The following FSTL5 variants were observed in gnomAD, a reference collection of about 807,000 sequenced individuals.
The protein encoded by FSTL5 is follistatin like 5.
FSTL5 carries 62 observed loss-of-function variants against 89.1 expected under a neutral mutation model. The observed-to-expected ratio is 0.70, with a 90% confidence interval of 0.57 to 0.86. The LOEUF (loss-of-function observed/expected upper bound fraction) is 0.86. Among genes scored for constraint, FSTL5 ranks in the 40% least tolerant of loss-of-function variants. The pLI is 0.00. For synonymous variants in FSTL5, 383 were observed against 346.2 expected (o/e 1.11, Z -1.18); for missense variants, 1,057 against 1,001.6 (o/e 1.06, Z -0.75).
At chr4:161,910,358 C>A (rs1236146463) in intron 4 of FSTL5, among the ~76,000 whole-genome samples, 1 of 152,126 alleles carries the variant, frequency 6.6e-6, no homozygotes, top group Non-Finnish European at 1.5e-5. Context: ...TATTGTCATA[C>A]TTATAGCTCA....
Position 161,386,131 on chromosome 4 carries a change from G to GTAC in FSTL5, c.2157_2159dup (p.Gln719_Tyr720insTer). On this transcript the variant is annotated stop_gained, in exon 16 of 16. Transcript: ENST00000306100. LOFTEE classifies it high-confidence loss of function. ...CCTGTATTTCTCCTCTGATGGTAAT[G>GTAC]TACTGAACCCTTACAAGACCTTTCA... 6.2e-7 allele frequency: 1 copy of GTAC among 1,614,012 alleles called. No individual in the cohort carries two copies. The highest frequency in any genetic ancestry group is 1.6e-4 in the Middle Eastern group (1 of 6,062).
Position 161,402,925 on chromosome 4 carries a change from T to C in FSTL5, c.1842-16476A>G, listed in dbSNP as rs28741977. Among the ~76,000 whole-genome samples, 1,459 of 151,848 alleles carry C rather than the reference T, an allele frequency of 9.6e-3. 21 individuals carry two copies. Among genetic ancestry groups the C allele is most frequent in the East Asian group, 0.054 (279 of 5,128 alleles). On this transcript the variant is annotated intron_variant, in intron 15 of 15. Coordinates refer to ENST00000306100, the MANE Select transcript of FSTL5 (RefSeq NM_020116.5). Reference sequence around the variant, plus strand: ...CAACCTCTGCCTCCCAGGTTCACGCTATTCTCCTGCCTCAGCCGCCCGAGT... The same window carrying C: ...CAACCTCTGCCTCCCAGGTTCACGCCATTCTCCTGCCTCAGCCGCCCGAGT...
intron 15 of FSTL5, among the ~76,000 whole-genome samples, chr4:161,404,542 C>A (rs552715216): frequency 1.1e-4 from 17 of 152,158 alleles, no homozygotes; most frequent in Middle Eastern, 6.8e-3. Context: ...CCTGTGTTGG[C>A]CAGCAGAGCA....
intron 3 of FSTL5, among the ~76,000 whole-genome samples, chr4:161,970,041 G>A (rs1001488076): frequency 6.6e-6 from 1 of 152,080 alleles, no homozygotes; most frequent in Middle Eastern, 3.4e-3. Flanking sequence ...TGGATTTGAT[G>A]GGGAGTCACT....
At chr4:161,984,128 T>C (rs1735900734) in intron 3 of FSTL5, among the ~76,000 whole-genome samples, 1 of 152,102 alleles carries the variant, frequency 6.6e-6, no homozygotes, top group Non-Finnish European at 1.5e-5. Context: ...AATATTCTAA[T>C]GGTTGCAAAG....
At chr4:161,412,439 G>A (rs866660872) in intron 15 of FSTL5, among the ~76,000 whole-genome samples, 37 of 151,840 alleles carry the variant, frequency 2.4e-4, no homozygotes, top group African/African-American at 8.2e-4. Context: ...TTCACACTGG[G>A]AACTGAACAA....
At chr4:161,597,074 C>T (rs1013332771) in intron 7 of FSTL5, among the ~76,000 whole-genome samples, 10 of 152,044 alleles carry the variant, frequency 6.6e-5, no homozygotes, top group Non-Finnish European at 1.3e-4. Flanking sequence ...GTTGCCATTG[C>T]TTTTGGTGTT....
intron 3 of FSTL5, among the ~76,000 whole-genome samples, chr4:161,997,173 T>C (rs1028359280): frequency 6.6e-6 from 1 of 152,212 alleles, no homozygotes; most frequent in Admixed American, 6.5e-5. Flanking sequence ...AATAAGTTCC[T>C]CAAAGGTTAG....
intron 2 of FSTL5, among the ~76,000 whole-genome samples, chr4:162,086,122 T>A (rs920132992): frequency 1.3e-5 from 2 of 152,034 alleles, no homozygotes; most frequent in African/African-American, 4.8e-5. Flanking sequence ...ATTTAATGTG[T>A]TTTTTAATCA....
chr4:161,775,900 A>G lies in FSTL5; in HGVS notation c.584T>C (p.Val195Ala), dbSNP rs763176795. 2.0e-5 allele frequency: 31 copies of G among 1,569,102 alleles called. No homozygotes were observed. The highest frequency in any genetic ancestry group is 2.5e-5 in the Non-Finnish European group (29 of 1,158,450). The change falls in exon 5 of 16, where the codon GTA becomes GCA. Residue 195 changes from valine to alanine, a missense_variant. Val to Ala is a moderately conservative substitution (Grantham distance 64). Around this residue, in one of 3 missense-constraint regions of FSTL5, gnomAD observed 980 missense variants for 903.2 expected, o/e 1.08. Coordinates refer to ENST00000306100, the MANE Select transcript of FSTL5 (RefSeq NM_020116.5). ...KYFDADSNGL[V>A]DINELTQVIK... Reference sequence around the variant, plus strand: ...TACCTGAGTTAGTTCATTAATATCTACAAGTCCATTACTGTCTGCATCAAA... The same window carrying G: ...TACCTGAGTTAGTTCATTAATATCTGCAAGTCCATTACTGTCTGCATCAAA...
chr4:161,577,127 T>C (rs1367364904), intron 8 of FSTL5, among the ~76,000 whole-genome samples: 6 of 152,232 alleles, frequency 3.9e-5, no homozygotes, highest in African/African-American at 1.4e-4. Context: ...ATTTGCCATG[T>C]TTTTTTGGCA....
intron 15 of FSTL5, among the ~76,000 whole-genome samples, chr4:161,423,687 G>C (rs115241385): frequency 0.012 from 1,773 of 152,068 alleles, 11 homozygotes; most frequent in Non-Finnish European, 0.017. Flanking sequence ...TTTCATCATT[G>C]AGATAATTGG....
intron 8 of FSTL5, among the ~76,000 whole-genome samples, chr4:161,572,318 T>TA (rs755306574): frequency 0.01 from 668 of 64,036 alleles, 33 homozygotes; most frequent in African/African-American, 0.029. Context: ...AGACTCCGTC[T>TA]AAAAAAAAAA....
chr4:161,421,418 C>G (rs1731988015), intron 15 of FSTL5, among the ~76,000 whole-genome samples: 2 of 151,258 alleles, frequency 1.3e-5, no homozygotes, highest in Non-Finnish European at 2.9e-5. Context: ...ATTTCTTCTT[C>G]TAGTGTAAGG....
intron 6 of FSTL5, among the ~76,000 whole-genome samples, chr4:161,735,174 C>T (rs976552029): frequency 1.3e-5 from 2 of 152,244 alleles, no homozygotes; most frequent in Middle Eastern, 3.4e-3. Context: ...CAGGGAAAAA[C>T]GTATTTAATG....
At chr4:162,120,918 T>C (rs1427789735) in intron 1 of FSTL5, among the ~76,000 whole-genome samples, 1 of 152,016 alleles carries the variant, frequency 6.6e-6, no homozygotes, top group South Asian at 2.1e-4. Context: ...AAGGACATCA[T>C]AGTAACCATC....
chr4:161,911,362 T>G (rs1208883001), intron 4 of FSTL5, among the ~76,000 whole-genome samples: 1 of 152,154 alleles, frequency 6.6e-6, no homozygotes, highest in African/African-American at 2.4e-5. Flanking sequence ...ATATTGTTTC[T>G]ACATATTGAA....
intron 6 of FSTL5, among the ~76,000 whole-genome samples, chr4:161,711,767 G>C (rs1738789002): frequency 6.6e-6 from 1 of 152,058 alleles, no homozygotes; most frequent in East Asian, 1.9e-4. Flanking sequence ...ATATAAAGAT[G>C]ATTATATGTT....
rs778657199 is a variant in FSTL5 at position 161,455,133 on chromosome 4, A to T, written c.1717-5T>A. 1 of 1,599,656 alleles carries T rather than the reference A, an allele frequency of 6.3e-7. No individual in the cohort carries two copies. The highest frequency in any genetic ancestry group is 1.1e-5 in the South Asian group (1 of 88,632). ...CCCACTGGCCAGGGTAATTACCTAA[A>T]GAGAACACACCTTGGTTAGACCTCA... On this transcript the variant is annotated splice_polypyrimidine_tract_variant and splice_region_variant and intron_variant, in intron 14 of 15. Coordinates refer to ENST00000306100, the MANE Select transcript of FSTL5 (RefSeq NM_020116.5).
Sources: allele counts gnomAD v4.1 joint callset (sites outside exome capture counted in the v4.1 genomes callset), GRCh38; gene constraint gnomAD v4.1.1; regional missense constraint gnomAD v4.1.1; transcripts MANE v1.5; gene names NCBI Gene and HGNC (gene_info 2026-07-23, HGNC 2026-07-21).